Variants in ESR1 observed in about 807,000 individuals in gnomAD.
ESR1 encodes estrogen receptor 1.
In ESR1, 12 loss-of-function variants were observed where a neutral mutation model predicts 52.7. That is an observed-to-expected ratio of 0.23 (90% CI 0.15 to 0.37). The LOEUF is 0.37. Ranked by LOEUF, ESR1 falls within the 10% of genes least tolerant of loss-of-function variation. ESR1 has a pLI of 1.00. For missense variants in ESR1, 584 were observed against 779.7 expected (o/e 0.75, Z 2.99); for synonymous variants, 305 against 316.8 (o/e 0.96, Z 0.39).
chr6:151,713,581 C>T (rs1780790219), intron 2 of ESR1, among the ~76,000 whole-genome samples: 1 of 152,082 alleles, frequency 6.6e-6, no homozygotes, highest in Admixed American at 6.6e-5. Context: ...GCGTATGTGT[C>T]CAGGAATTTA....
At chr6:151,820,091 C>T (rs1380323740) in intron 1 of ESR1, among the ~76,000 whole-genome samples, 1 of 152,136 alleles carries the variant, frequency 6.6e-6, no homozygotes, top group Non-Finnish European at 1.5e-5. Context: ...AGGAGAGGCA[C>T]TTAACCAGAT....
intron 1 of ESR1, among the ~76,000 whole-genome samples, chr6:151,827,142 G>A (rs1017401647): frequency 6.6e-6 from 1 of 151,926 alleles, no homozygotes; most frequent in African/African-American, 2.4e-5. Context: ...TGGGCAACAT[G>A]GTGAGACCCC....
chr6:151,917,712 C>T (rs145165161), intron 3 of ESR1, among the ~76,000 whole-genome samples: 118 of 152,204 alleles, frequency 7.8e-4, no homozygotes, highest in African/African-American at 2.7e-3. Flanking sequence ...CTGGACTTCT[C>T]GGAAAATTTC....
rs78191600 is a variant in ESR1 at position 151,722,874 on chromosome 6, T to A, written c.-71+20869T>A. Among the ~76,000 whole-genome samples the A allele has an allele frequency of 3.1e-3, 469 of 152,318 alleles. 4 individuals are homozygous for A. Among genetic ancestry groups the A allele is most frequent in the African/African-American group, 0.011 (442 of 41,554 alleles). Reference sequence around the variant, plus strand: ...CCTGAAAGGTTAGAGAAGTTCAGGGTCTGGGCTTATAAAAAACTTCATTAT... The same window carrying A: ...CCTGAAAGGTTAGAGAAGTTCAGGGACTGGGCTTATAAAAAACTTCATTAT... On this transcript the variant is annotated intron_variant, in intron 2 of 2. Transcript: ENST00000404742.
At position 152,061,246 on chromosome 6, in the gene ESR1, C is replaced by T. The variant is rs748461552; in HGVS notation, c.1369+122C>T. 1.5e-5 allele frequency: 15 copies of T among 970,718 alleles called. No individual in the cohort carries two copies. The highest frequency in any genetic ancestry group is 8.0e-5 in the African/African-American group (5 of 62,232). The allele number at this position is 970,718 out of a possible 1,614,324, so 60.1% of individuals were successfully genotyped here. On this transcript the variant is annotated intron_variant, in intron 6 of 7. Transcript: ENST00000206249. The surrounding 1 kb of genome is among the most constrained non-coding windows in gnomAD (Gnocchi z 4.3). ...TAAATAGAAAGAAACTACTGACACA[C>T]GTTTTAAAATAACCTACCAACATTG... is the stretch of plus-strand genomic sequence containing the variant.
chr6:151,894,867 TG>T (rs1360737848), intron 3 of ESR1, among the ~76,000 whole-genome samples: 1 of 151,866 alleles, frequency 6.6e-6, no homozygotes, highest in Non-Finnish European at 1.5e-5. Flanking sequence ...TTTGGCTATG[TG>T]GGCTCTTTTT....
Position 152,053,899 on chromosome 6 carries a change from A to G in ESR1, c.1236-7092A>G, listed in dbSNP as rs2046893190. On this transcript the variant is annotated intron_variant, in intron 5 of 7. Transcript: ENST00000206249. The surrounding 1 kb of genome is among the most constrained non-coding windows in gnomAD (Gnocchi z 4.1). ...TCCTGCATACTTTTGTAAGTGTAGAAAATATATGTATAGGAATAATTGCAC... is the reference window on the plus strand; with the variant it reads ...TCCTGCATACTTTTGTAAGTGTAGAGAATATATGTATAGGAATAATTGCAC... Among the ~76,000 whole-genome samples the G allele has an allele frequency of 6.6e-6, 1 of 152,180 alleles. No individual in the cohort carries two copies. Among genetic ancestry groups the G allele is most frequent in the Non-Finnish European group, 1.5e-5 (1 of 68,030 alleles).
At chr6:152,087,614 AAG>A (rs1205093198) in intron 6 of ESR1, among the ~76,000 whole-genome samples, 1 of 152,198 alleles carries the variant, frequency 6.6e-6, no homozygotes, top group Non-Finnish European at 1.5e-5. Flanking sequence ...AGGTCATCCT[AAG>A]AGTTATCTCC....
chr6:151,785,491 A>G (rs1455635683), intron 2 of ESR1, among the ~76,000 whole-genome samples: 3 of 152,166 alleles, frequency 2.0e-5, no homozygotes, highest in East Asian at 3.9e-4. Flanking sequence ...TCTCAGTGTG[A>G]CCATTTTTTC....
intron 3 of ESR1, among the ~76,000 whole-genome samples, chr6:151,882,358 T>C (rs1694917993): frequency 6.6e-6 from 1 of 152,188 alleles, no homozygotes; most frequent in African/African-American, 2.4e-5. Flanking sequence ...ACTATACATC[T>C]TGAACATCTG....
At chr6:152,106,718 A>C (rs1428209740), downstream of ESR1, among the ~76,000 whole-genome samples, 1 of 152,240 alleles carries the variant, frequency 6.6e-6, no homozygotes, top group Admixed American at 6.5e-5. Flanking sequence ...CCTCCCGAGT[A>C]GCTGGAAGTA....
chr6:152,031,809 A>G (rs1311502727), intron 5 of ESR1, among the ~76,000 whole-genome samples: 3 of 152,234 alleles, frequency 2.0e-5, no homozygotes, highest in Admixed American at 2.0e-4. Context: ...CATCATCCTG[A>G]TACCAAAGCC....
intron 4 of ESR1, among the ~76,000 whole-genome samples, chr6:151,949,252 C>T (rs577494740): frequency 2.6e-5 from 4 of 152,298 alleles, no homozygotes; most frequent in South Asian, 2.1e-4. Context: ...TTTCACTTAG[C>T]GAATGAAATT....
intron 1 of ESR1, among the ~76,000 whole-genome samples, chr6:151,660,703 A>G (rs1777608939): frequency 6.6e-6 from 1 of 152,212 alleles, no homozygotes; most frequent in Admixed American, 6.5e-5. Flanking sequence ...GCATACGTAT[A>G]TGTTATGTAG....
At chr6:151,779,267 G>T (rs542144016) in intron 2 of ESR1, among the ~76,000 whole-genome samples, 1 of 152,246 alleles carries the variant, frequency 6.6e-6, no homozygotes, top group South Asian at 2.1e-4. Context: ...GTTAATTTTT[G>T]TATAAGGTAT....
At chr6:151,799,671 C>A (rs1297292813), upstream of ESR1, among the ~76,000 whole-genome samples, 1 of 152,082 alleles carries the variant, frequency 6.6e-6, no homozygotes, top group Non-Finnish European at 1.5e-5. Flanking sequence ...AATCCAACAG[C>A]ATGATAAGTA....
intron 6 of ESR1, among the ~76,000 whole-genome samples, chr6:152,084,174 A>C (rs1263473072): frequency 6.6e-6 from 1 of 152,142 alleles, no homozygotes; most frequent in Non-Finnish European, 1.5e-5. Flanking sequence ...TCATGAGGAC[A>C]TAAAACCAAA....
In ESR1 at chr6:152,033,637, G is replaced by A. The variant is rs527377163; in HGVS notation, c.1235+21843G>A. On this transcript the variant is annotated intron_variant, in intron 5 of 7. Transcript: ENST00000206249. ...TAGAATGGTGATTATTAAGAAGTCA[G>A]GGAAAAACAGGTGCTGGAGAGGATG... 1.4e-4 allele frequency among the ~76,000 whole-genome samples: 21 copies of A among 152,304 alleles called. No individual in the cohort carries two copies. In the East Asian group the frequency reaches 3.5e-3, roughly 25 times the overall value.
chr6:151,823,454 T>C (rs1780931624), intron 1 of ESR1, among the ~76,000 whole-genome samples: 1 of 151,804 alleles, frequency 6.6e-6, no homozygotes, highest in East Asian at 1.9e-4. Flanking sequence ...TATTTGTTTT[T>C]TGTTTTTGTT....
Sources: gnomAD v4.1 joint callset for allele counts (sites outside exome capture counted in the v4.1 genomes callset) on GRCh38, gnomAD v4.1.1 for gene constraint, Gnocchi (gnomAD v3.1) non-coding constraint, MANE v1.5 for transcripts, NCBI Gene and HGNC (gene_info 2026-07-23, HGNC 2026-07-21) for gene names.